Variants in ZNF573 observed in about 807,000 individuals in gnomAD.
ZNF573 encodes the protein zinc finger protein 573.
A neutral mutation model predicts 57.4 loss-of-function variants in ZNF573; 41 were observed. That is an observed-to-expected ratio of 0.71 (90% CI 0.56 to 0.93). ZNF573 has a LOEUF of 0.93. ZNF573 is among the 40% of genes least tolerant of loss of function. ZNF573 has a pLI of 0.00. For synonymous variants in ZNF573, 249 were observed against 261.0 expected, an observed-to-expected ratio of 0.95 and a Z score of 0.44; for missense variants, 730 against 794.8, an observed-to-expected ratio of 0.92 and a Z score of 0.98.
intron 1 of ZNF573, among the ~76,000 whole-genome samples, chr19:37,776,146 T>C (rs750865691): frequency 2.0e-5 from 3 of 152,020 alleles, no homozygotes; most frequent in South Asian, 4.1e-4. Context: ...CTAAAATGCA[T>C]ATGGAACAAA....
In ZNF573 at chr19:37,739,477, C is replaced by A. The variant is rs1454882403; in HGVS notation, c.1013G>T (p.Gly338Val). ...KPYECKECGKGYTTASYFLLH... is the reference protein window; with the variant it reads ...KPYECKECGKVYTTASYFLLH... The stretch of plus-strand genomic sequence containing the variant: ...AAGAAAGTATGAGGCAGTGGTATAG[C>A]CCTTCCCACATTCTTTACACTCATA... Residue 338 changes from glycine to valine, a missense_variant, in exon 5 of 5, where the codon GGC (glycine) becomes GTC (valine). Gly to Val is a moderately radical substitution (Grantham distance 109). Transcript: ENST00000536220. 1 of 1,613,658 alleles carries A rather than the reference C, an allele frequency of 6.2e-7. No individual in the cohort carries two copies. The highest frequency in any genetic ancestry group is 8.5e-7 in the Non-Finnish European group (1 of 1,179,902).
rs111808044 is a variant in ZNF573, at chr19:37,768,446, G to C, written c.295+1559C>G. On this transcript the variant is annotated intron_variant, in intron 4 of 4. Transcript: ENST00000536220. ...CATACTCCTTCCCTCCAATGCTTCA[G>C]CCATCTCCTTAGCCTTCTAAGCTCT... Among the ~76,000 whole-genome samples, 693 of 152,052 alleles carry C rather than the reference G, an allele frequency of 4.6e-3. 5 individuals are homozygous for C. The highest frequency in any genetic ancestry group is 0.016 in the African/African-American group (670 of 41,476).
chr19:37,738,415 A>C lies in ZNF573; in HGVS notation c.*77T>G. 6.9e-7 allele frequency: 1 copy of C among 1,439,920 alleles called. No individual in the cohort carries two copies. Among genetic ancestry groups the C allele is most frequent in the Non-Finnish European group, 9.2e-7 (1 of 1,091,240 alleles). 89.2% of individuals were successfully genotyped at this position (1,439,920 alleles called of 1,614,324 possible). The stretch of plus-strand genomic sequence containing the variant: ...TCTCTCAATTGCTAAAGCCATACCT[A>C]TAAGACTAACATTCCATCATTTCTC... On this transcript the variant is annotated 3_prime_UTR_variant, in exon 5 of 5. Transcript: ENST00000536220.
intron 1 of ZNF573, among the ~76,000 whole-genome samples, chr19:37,775,058 C>A (rs933133831): frequency 6.0e-5 from 9 of 150,546 alleles, no homozygotes; most frequent in Non-Finnish European, 8.9e-5. Flanking sequence ...GCTCTGTCAC[C>A]CAGGCTGGAG....
intron 4 of ZNF573, chr19:37,758,601 A>G (rs1599696621): frequency 1.9e-5 from 2 of 103,180 alleles, no homozygotes; most frequent in Admixed American, 1.1e-4. Flanking sequence ...CTCCATCTAA[A>G]AAAAAAAAAA....
intron 2 of ZNF573, 110 bp from the exon 3 acceptor site, chr19:37,771,806 C>A: frequency 8.6e-7 from 1 of 1,163,690 alleles, no homozygotes; most frequent in Non-Finnish European, 1.2e-6. Flanking sequence ...TGGCTAATGA[C>A]TGGTAGCAGA....
chr19:37,763,480 G>A (rs974990397), intron 4 of ZNF573, among the ~76,000 whole-genome samples: 3 of 151,632 alleles, frequency 2.0e-5, no homozygotes, highest in Non-Finnish European at 2.9e-5. Context: ...CAGGAAGATC[G>A]CTTGAAACCA....
chr19:37,756,497 C>T (rs1336841565), intron 4 of ZNF573, among the ~76,000 whole-genome samples: 1 of 152,092 alleles, frequency 6.6e-6, no homozygotes, highest in African/African-American at 2.4e-5. Flanking sequence ...GGCTTATGTG[C>T]TGTCTTATGG....
chr19:37,752,183 C>G (rs2045444569), intron 4 of ZNF573, among the ~76,000 whole-genome samples: 1 of 152,088 alleles, frequency 6.6e-6, no homozygotes, highest in African/African-American at 2.4e-5. Context: ...AGTGCTAGCA[C>G]AACTGGATAT....
chr19:37,771,991 T>G (rs1248467290), intron 2 of ZNF573, among the ~76,000 whole-genome samples: 1 of 152,158 alleles, frequency 6.6e-6, no homozygotes, highest in Non-Finnish European at 1.5e-5. Context: ...CAATAAAGTA[T>G]TAAAGACACA....
At chr19:37,747,609 G>C (rs1177456560) in intron 4 of ZNF573, among the ~76,000 whole-genome samples, 1 of 152,106 alleles carries the variant, frequency 6.6e-6, no homozygotes, top group Non-Finnish European at 1.5e-5. Flanking sequence ...AAACCTGGCA[G>C]ACACTACTTT....
intron 4 of ZNF573, among the ~76,000 whole-genome samples, chr19:37,742,506 C>T (rs2045336462): frequency 6.6e-6 from 1 of 152,114 alleles, no homozygotes; most frequent in Non-Finnish European, 1.5e-5. Context: ...AGAAAAGAGA[C>T]CTCAGAAATA....
intron 4 of ZNF573, 79 bp from the exon 5 acceptor site, chr19:37,740,273 C>A: frequency 7.6e-7 from 1 of 1,318,380 alleles, no homozygotes; most frequent in Non-Finnish European, 1.0e-6. Flanking sequence ...AAAGAAAAAC[C>A]AACATTCATA....
chr19:37,740,811 C>T (rs1312482461), intron 4 of ZNF573: 1 of 310,168 alleles, frequency 3.2e-6, no homozygotes, highest in Non-Finnish European at 6.3e-6. Flanking sequence ...CCTTAAGTCC[C>T]TGATATAAAA....
At chr19:37,769,871 C>T (rs1366050678) in intron 4 of ZNF573, 134 bp downstream of exon 4, 4 of 703,512 alleles carry the variant, frequency 5.7e-6, no homozygotes, top group South Asian at 1.7e-5. Flanking sequence ...TCTTTATTCC[C>T]AACCAGGTTG....
chr19:37,770,052 C>A lies in ZNF573; in HGVS notation c.248G>T (p.Arg83Leu). The A allele has an allele frequency of 6.4e-7, 1 of 1,551,952 alleles. No individual in the cohort carries two copies. The highest frequency in any genetic ancestry group is 8.7e-7 in the Non-Finnish European group (1 of 1,147,202). ...SKPVVVDLLERGKEPWMILRE... is the reference protein window; with the variant it reads ...SKPVVVDLLELGKEPWMILRE... ...CAAAATCATCCAGGGCTCTTTTCCT[C>A]GCTCCAGTAAATCAACCACAACTGG... The change falls in exon 4 of 5, where the codon CGA (arginine) becomes CTA (leucine). Residue 83 changes from arginine to leucine, a missense_variant. Transcript: ENST00000536220.
Position 37,752,353 on chromosome 19 carries a change from C to T in ZNF573, c.296-12159G>A, listed in dbSNP as rs116724885. 6.9e-3 allele frequency among the ~76,000 whole-genome samples: 1,055 copies of T among 151,984 alleles called. 15 individuals are homozygous for T. Among genetic ancestry groups the T allele is most frequent in the African/African-American group, 0.024 (1,010 of 41,430 alleles). On this transcript the variant is annotated intron_variant, in intron 4 of 4. Coordinates refer to ENST00000536220, the MANE Select transcript of ZNF573 (RefSeq NM_001172690.2). ...CATGAACTTGGATTACAAAAGTTTC[C>T]TAGACAATAATATCAAAAGCACAGC...
intron 2 of ZNF573, among the ~76,000 whole-genome samples, chr19:37,772,502 A>G (rs1352050059): frequency 6.6e-6 from 1 of 152,146 alleles, no homozygotes; most frequent in East Asian, 1.9e-4. Context: ...AAGTTACATC[A>G]TTATGTCAGA....
chr19:37,770,832 T>TTTTATATATATATATA (rs1555745090), intron 3 of ZNF573, among the ~76,000 whole-genome samples: 1 of 93,750 alleles, frequency 1.1e-5, no homozygotes, highest in South Asian at 3.3e-4. Flanking sequence ...TTAAGTTATT[T>TTTTATATATATATATA]TATATATATA....
Sources: gnomAD v4.1 joint callset for allele counts (sites outside exome capture counted in the v4.1 genomes callset) on GRCh38, gnomAD v4.1.1 for gene constraint, MANE v1.5 for transcripts, NCBI Gene and HGNC (gene_info 2026-07-23, HGNC 2026-07-21) for gene names.